PITPNC1: variants seen among roughly 807,000 people sequenced by gnomAD.
PITPNC1 encodes the protein phosphatidylinositol transfer protein cytoplasmic 1, also known as cytoplasmic phosphatidylinositol transfer protein 1.
Under a neutral mutation model 44.7 loss-of-function variants are expected in PITPNC1, and 18 were observed. The observed-to-expected ratio is 0.40, with a 90% CI of 0.28 to 0.60. PITPNC1 has a LOEUF of 0.60. Ranked by LOEUF, PITPNC1 falls within the 20% of genes least tolerant of loss-of-function variation. The pLI is 0.39. For synonymous variants in PITPNC1, 141 were observed against 149.6 expected, an observed-to-expected ratio of 0.94 and a Z score of 0.42; for missense variants, 290 against 418.4, an observed-to-expected ratio of 0.69 and a Z score of 2.68.
chr17:67,647,464 G>GTTTTTTTTTT (rs60407940), intron 6 of PITPNC1, among the ~76,000 whole-genome samples: 34 of 72,366 alleles, frequency 4.7e-4, no homozygotes, highest in African/African-American at 1.3e-3. Flanking sequence ...CTAATTTTGG[G>GTTTTTTTTTT]TTTTTTTTTT....
At chr17:67,678,234 A>C (rs1164225670) in intron 8 of PITPNC1, among the ~76,000 whole-genome samples, 2 of 151,766 alleles carry the variant, frequency 1.3e-5, no homozygotes, top group African/African-American at 4.9e-5. Flanking sequence ...AAAAAAAAGA[A>C]TTCTGGGATT....
At chr17:67,470,769 A>G (rs2039513642) in intron 1 of PITPNC1, among the ~76,000 whole-genome samples, 1 of 151,752 alleles carries the variant, frequency 6.6e-6, no homozygotes, top group Non-Finnish European at 1.5e-5. Context: ...AAGGCGGGAA[A>G]GGTGGGGAAA....
At chr17:67,536,821 G>A (rs1287229252) in intron 2 of PITPNC1, among the ~76,000 whole-genome samples, 1 of 152,144 alleles carries the variant, frequency 6.6e-6, no homozygotes, top group East Asian at 1.9e-4. Flanking sequence ...GATAAAAAGA[G>A]GGACGTTCAA....
chr17:67,455,256 T>C (rs753730474), intron 1 of PITPNC1, among the ~76,000 whole-genome samples: 2 of 152,242 alleles, frequency 1.3e-5, no homozygotes, highest in East Asian at 3.8e-4. Context: ...TATTCTGTTA[T>C]ACTGTGTTAA....
In PITPNC1 at chr17:67,612,671, G is replaced by A. The variant is rs986445142; in HGVS notation, c.367-19472G>A. ...GGGGTGTGGCTGGGTGGATGGATGG[G>A]CGGATGGATGGATGGATGGATGGAT... On this transcript the variant is annotated intron_variant, in intron 5 of 8. Transcript: ENST00000581322. The A allele has an allele frequency of 3.6e-5, 5 of 140,484 alleles. No individual in the cohort carries two copies. The East Asian group carries it at 1.1e-3, about 30-fold the overall frequency. 8.7% of individuals were successfully genotyped at this position (140,484 alleles called of 1,614,324 possible).
At chr17:67,501,112 C>T (rs2040022709) in intron 1 of PITPNC1, among the ~76,000 whole-genome samples, 1 of 152,108 alleles carries the variant, frequency 6.6e-6, no homozygotes, top group South Asian at 2.1e-4. Context: ...AAACATTGCC[C>T]ACTGCAGGTC....
intron 1 of PITPNC1, among the ~76,000 whole-genome samples, chr17:67,510,692 G>A (rs2144088455): frequency 6.6e-6 from 1 of 152,200 alleles, no homozygotes; most frequent in Admixed American, 6.5e-5. Flanking sequence ...TCTGCCTCCG[G>A]GGTTCAAGTG....
intron 2 of PITPNC1, among the ~76,000 whole-genome samples, chr17:67,538,178 C>T (rs1356326634): frequency 6.6e-6 from 1 of 151,976 alleles, no homozygotes; most frequent in Non-Finnish European, 1.5e-5. Context: ...ATTATTAGTG[C>T]TTTGTATTTA....
intron 5 of PITPNC1, among the ~76,000 whole-genome samples, chr17:67,616,547 C>T (rs905185576): frequency 6.6e-5 from 10 of 152,090 alleles, no homozygotes; most frequent in African/African-American, 2.4e-4. Flanking sequence ...GATCACTGCC[C>T]CTTGAATCTT....
intron 1 of PITPNC1, among the ~76,000 whole-genome samples, chr17:67,490,095 T>C (rs1184988117): frequency 1.3e-5 from 2 of 151,366 alleles, no homozygotes; most frequent in African/African-American, 4.9e-5. Context: ...GGTTTAAAGA[T>C]TTGGAAACAG....
At chr17:67,643,601 C>T (rs1310699576) in intron 6 of PITPNC1, among the ~76,000 whole-genome samples, 1 of 152,136 alleles carries the variant, frequency 6.6e-6, no homozygotes. Context: ...ATGATTCAGC[C>T]CTAATGTGGT....
intron 4 of PITPNC1, 102 bp from the exon 5 acceptor site, chr17:67,578,084 G>T (rs761845577): frequency 2.5e-6 from 2 of 787,990 alleles, no homozygotes; most frequent in Admixed American, 2.0e-5. Flanking sequence ...GTTCCGGGAC[G>T]GTGCTTGCAA....
chr17:67,418,699 T>TA (rs1304854476), intron 1 of PITPNC1, among the ~76,000 whole-genome samples: 1 of 152,110 alleles, frequency 6.6e-6, no homozygotes, highest in Non-Finnish European at 1.5e-5. Flanking sequence ...TAGCTGGAAT[T>TA]ACAGGCCCCC....
At chr17:67,533,571 G>A (rs146407478) in intron 2 of PITPNC1, among the ~76,000 whole-genome samples, 30 of 152,310 alleles carry the variant, frequency 2.0e-4, no homozygotes, top group Non-Finnish European at 3.2e-4. Context: ...GGAAAGAGAC[G>A]GTGCTGCCTA....
intron 2 of PITPNC1, among the ~76,000 whole-genome samples, chr17:67,543,989 T>C (rs1486359067): frequency 6.6e-6 from 1 of 152,194 alleles, no homozygotes; most frequent in Non-Finnish European, 1.5e-5. Flanking sequence ...TAGCTGGGAT[T>C]ATAGACACCT....
intron 1 of PITPNC1, among the ~76,000 whole-genome samples, chr17:67,386,405 C>T (rs184873963): frequency 2.6e-5 from 4 of 152,264 alleles, no homozygotes; most frequent in Non-Finnish European, 4.4e-5. Flanking sequence ...GTTGTCCAGG[C>T]TGGTCTCGAA....
intron 5 of PITPNC1, among the ~76,000 whole-genome samples, chr17:67,599,022 ATATATATATATATTTTTT>A (rs1272477399): frequency 0.027 from 1,145 of 41,736 alleles, 30 homozygotes; most frequent in African/African-American, 0.11. Context: ...ATATATATAT[ATATATATATATATTTTTT>A]TTTTTTTTTT....
At chr17:67,578,000 A>C (rs2041173130) in intron 4 of PITPNC1, 186 bp from the exon 5 acceptor site, 2 of 643,368 alleles carry the variant, frequency 3.1e-6, no homozygotes, top group Non-Finnish European at 5.7e-6. Context: ...GTCTGGATGA[A>C]ACTGTGTTCA....
chr17:67,401,893 T>C (rs561654745), intron 1 of PITPNC1, among the ~76,000 whole-genome samples: 1 of 152,234 alleles, frequency 6.6e-6, no homozygotes, highest in East Asian at 1.9e-4. Context: ...TCTCCTTTGA[T>C]CTTCTCTTCC....
Sources: allele counts gnomAD v4.1 joint callset (sites outside exome capture counted in the v4.1 genomes callset), GRCh38; gene constraint gnomAD v4.1.1; transcripts MANE v1.5; gene names NCBI Gene and HGNC (gene_info 2026-07-23, HGNC 2026-07-21).